KALRN: variants seen among roughly 807,000 people sequenced by gnomAD.
KALRN encodes kalirin.
KALRN carries 70 observed loss-of-function variants against 353.7 expected under a neutral mutation model. The ratio of observed to expected loss-of-function variants is 0.20; its 90% CI spans 0.16 to 0.24. KALRN has a LOEUF of 0.24. Among genes scored for constraint, KALRN ranks in the 10% least tolerant of loss-of-function variants. KALRN has a pLI of 1.00. For synonymous variants in KALRN, 1,391 were observed against 1,434.8 expected (o/e 0.97, Z 0.69); for missense variants, 2,791 against 3,756.7 (o/e 0.74, Z 6.72).
At chr3:124,080,587 G>A (rs1298962812) in intron 1 of KALRN, among the ~76,000 whole-genome samples, 1 of 152,160 alleles carries the variant, frequency 6.6e-6, no homozygotes, top group Non-Finnish European at 1.5e-5. Flanking sequence ...TTCACAGTGT[G>A]GATATTCCAT....
intron 10 of KALRN, among the ~76,000 whole-genome samples, chr3:124,365,094 CA>C (rs2084503786): frequency 1.3e-5 from 2 of 152,288 alleles, no homozygotes; most frequent in East Asian, 3.9e-4. Flanking sequence ...TCATTTCTTT[CA>C]TGTCCTTGGG....
chr3:124,301,992 T>G (rs944099103), intron 6 of KALRN, among the ~76,000 whole-genome samples: 3 of 152,224 alleles, frequency 2.0e-5, no homozygotes, highest in Non-Finnish European at 2.9e-5. Context: ...CACAGATCCC[T>G]TTGAAATCAA....
chr3:124,603,537 C>T (rs191116701), intron 34 of KALRN, among the ~76,000 whole-genome samples: 8 of 152,250 alleles, frequency 5.3e-5, no homozygotes, highest in African/African-American at 1.4e-4. Context: ...CCCTGGCTCT[C>T]CCTACAGGTC....
intron 34 of KALRN, among the ~76,000 whole-genome samples, chr3:124,581,194 A>T (rs551455066): frequency 5.3e-5 from 8 of 152,152 alleles, no homozygotes; most frequent in Non-Finnish European, 7.4e-5. Flanking sequence ...CCTGGGTTAT[A>T]AGAATTAGTA....
chr3:124,207,221 G>A (rs1331003690), intron 1 of KALRN, among the ~76,000 whole-genome samples: 2 of 152,210 alleles, frequency 1.3e-5, no homozygotes, highest in South Asian at 2.1e-4. Context: ...ATTCCTGGCA[G>A]GCCCCCAGGC....
chr3:124,704,883 A>G (rs1708321), intron 57 of KALRN, among the ~76,000 whole-genome samples: 2,116 of 152,328 alleles, frequency 0.014, 52 homozygotes, highest in African/African-American at 0.048. Flanking sequence ...TGTGAGACAC[A>G]GGAAAGATAT....
intron 1 of KALRN, among the ~76,000 whole-genome samples, chr3:124,192,545 G>C (rs1040972067): frequency 2.0e-5 from 3 of 152,102 alleles, no homozygotes; most frequent in African/African-American, 7.2e-5. Context: ...TTTGTAACTC[G>C]AAGGATAAAT....
chr3:124,655,803 G>A (rs1432824949), intron 39 of KALRN, 136 bp downstream of exon 39: 5 of 660,656 alleles, frequency 7.6e-6, no homozygotes, highest in African/African-American at 1.8e-5. Flanking sequence ...AAATAAAAAT[G>A]GTAATAAGTA....
At chr3:124,718,003 G>A (rs1386402040) in intron 59 of KALRN, among the ~76,000 whole-genome samples, 1 of 151,586 alleles carries the variant, frequency 6.6e-6, no homozygotes, top group Admixed American at 6.6e-5. Flanking sequence ...GTAGAGACAG[G>A]GTTTCATCAT....
intron 13 of KALRN, among the ~76,000 whole-genome samples, chr3:124,404,145 G>T (rs2091222399): frequency 1.0e-5 from 1 of 100,338 alleles, no homozygotes. Flanking sequence ...TCTTTGTTCT[G>T]CTCTCTGGAA....
At chr3:124,423,877 A>T (rs9868671) in intron 15 of KALRN, among the ~76,000 whole-genome samples, 3,978 of 152,342 alleles carry the variant, frequency 0.026, 178 homozygotes, top group African/African-American at 0.089. Context: ...TTTCCAAAAA[A>T]TAAAAATTAC....
intron 18 of KALRN, 90 bp downstream of exon 18, chr3:124,439,127 C>T (rs2093578446): frequency 8.1e-7 from 1 of 1,230,164 alleles, no homozygotes; most frequent in Non-Finnish European, 1.1e-6. Context: ...TTCTTTCTTT[C>T]TCTTTCTCTC....
intron 25 of KALRN, among the ~76,000 whole-genome samples, chr3:124,473,842 G>A (rs77910332): frequency 0.017 from 2,531 of 152,252 alleles, 85 homozygotes; most frequent in East Asian, 0.083. Flanking sequence ...AAAGATCGTA[G>A]CATTTCCACT....
At chr3:124,287,827 G>GTA (rs1328295541) in intron 5 of KALRN, among the ~76,000 whole-genome samples, 1,536 of 53,522 alleles carry the variant, frequency 0.029, 30 homozygotes, top group Non-Finnish European at 0.043. Flanking sequence ...ATATATATAT[G>GTA]TATATAATTT....
At chr3:124,154,116 T>C (rs977494538) in intron 1 of KALRN, among the ~76,000 whole-genome samples, 5 of 152,222 alleles carry the variant, frequency 3.3e-5, no homozygotes, top group African/African-American at 9.6e-5. Flanking sequence ...AGAAGCTCTT[T>C]AGTTTAATTA....
chr3:124,115,716 C>T lies in KALRN; in HGVS notation c.73+81903C>T, dbSNP rs746380751. ...GGGTTCCTGCAGGGAGGTCGAGCAA[C>T]GGCAGCTTGTGGTTTGGGTGTTAGC... is the stretch of plus-strand genomic sequence containing the variant. On this transcript the variant is annotated intron_variant, in intron 1 of 59. Transcript: ENST00000682506. Among the ~76,000 whole-genome samples the T allele has an allele frequency of 1.4e-4, 21 of 152,250 alleles. 1 individual carries two copies. The highest frequency in any genetic ancestry group is 4.1e-4 in the South Asian group (2 of 4,826).
intron 37 of KALRN, among the ~76,000 whole-genome samples, chr3:124,637,851 TA>T (rs901487674): frequency 6.9e-4 from 105 of 152,256 alleles, no homozygotes; most frequent in African/African-American, 2.5e-3. Flanking sequence ...AAACTGAACA[TA>T]AGCCACTGGC....
chr3:124,316,348 C>T (rs1348538327), intron 6 of KALRN, among the ~76,000 whole-genome samples: 3 of 108,980 alleles, frequency 2.8e-5, no homozygotes, highest in African/African-American at 8.7e-5. Flanking sequence ...AGGTCCGTTA[C>T]ATCTTGCCAC....
At chr3:124,043,872 C>T (rs2040187591) in intron 1 of KALRN, among the ~76,000 whole-genome samples, 1 of 151,976 alleles carries the variant, frequency 6.6e-6, no homozygotes. Context: ...GTCAGAAAGG[C>T]AAGCGGGGAA....
Sources: gnomAD v4.1 joint callset for allele counts (sites outside exome capture counted in the v4.1 genomes callset) on GRCh38, gnomAD v4.1.1 for gene constraint, MANE v1.5 for transcripts, NCBI Gene and HGNC (gene_info 2026-07-23, HGNC 2026-07-21) for gene names.